The following IQCJ variants were observed in gnomAD, a reference collection of about 807,000 sequenced individuals.
IQCJ encodes the protein IQ domain-containing protein J.
Under a neutral mutation model 11.0 loss-of-function variants are expected in IQCJ, and 9 were observed. The observed-to-expected ratio is 0.82, with a 90% CI of 0.49 to 1.43. IQCJ has a LOEUF of 1.43. Among genes scored for constraint, IQCJ ranks in the 40% most tolerant of loss-of-function variants. The pLI is 0.00. For missense variants in IQCJ, 146 were observed against 133.2 expected (o/e 1.10, Z -0.47); for synonymous variants, 55 against 51.3 (o/e 1.07, Z -0.31).
chr3:159,221,319 A>C (rs1404171186), intron 1 of IQCJ, among the ~76,000 whole-genome samples: 3 of 152,180 alleles, frequency 2.0e-5, no homozygotes, highest in Non-Finnish European at 4.4e-5. Context: ...GGTGCCTGGC[A>C]TGAAGTAGCT....
chr3:159,143,934 G>C (rs913761221), intron 1 of IQCJ, among the ~76,000 whole-genome samples: 11 of 152,140 alleles, frequency 7.2e-5, no homozygotes, highest in African/African-American at 2.7e-4. Context: ...ATGGCATTTG[G>C]GATGCTGTAT....
chr3:159,201,709 A>G (rs1182083150), intron 1 of IQCJ, among the ~76,000 whole-genome samples: 1 of 130,786 alleles, frequency 7.6e-6, no homozygotes, highest in Non-Finnish European at 1.5e-5. Context: ...ATCTCGGCTC[A>G]CTGCAAGCTC....
At chr3:159,249,902 T>TATACACACACAC (rs1553794125) in intron 2 of IQCJ, among the ~76,000 whole-genome samples, 2 of 150,518 alleles carry the variant, frequency 1.3e-5, no homozygotes, top group Non-Finnish European at 3.0e-5. Context: ...TGCATTTGTG[T>TATACACACACAC]ACACACACAC....
intron 1 of IQCJ, among the ~76,000 whole-genome samples, chr3:159,235,008 CT>C (rs1726494674): frequency 6.6e-6 from 1 of 151,728 alleles, no homozygotes; most frequent in African/African-American, 2.4e-5. Flanking sequence ...TTTTTTTGTG[CT>C]TTGGTGCAAG....
At chr3:159,236,671 C>A (rs188321175) in intron 1 of IQCJ, among the ~76,000 whole-genome samples, 1 of 152,328 alleles carries the variant, frequency 6.6e-6, no homozygotes, top group East Asian at 1.9e-4. Flanking sequence ...GCATCAGAAT[C>A]ACTTAATGTG....
At position 159,216,609 on chromosome 3, in the gene IQCJ, T is replaced by G. The variant is rs142215221; in HGVS notation, c.10-29234T>G. On this transcript the variant is annotated intron_variant, in intron 1 of 3. Coordinates refer to ENST00000397832, the MANE Select transcript of IQCJ (RefSeq NM_001042706.3). ...AGATTTCCATTATGGTGCCCTTTGT[T>G]TCCTGCCCATTGCCTAATTTTCTGT... Among the ~76,000 whole-genome samples the G allele has an allele frequency of 1.7e-4, 26 of 152,320 alleles. 1 individual carries two copies. In the East Asian group the frequency reaches 5.0e-3, roughly 29 times the overall value.
chr3:159,138,099 A>G (rs1720400399), intron 1 of IQCJ, among the ~76,000 whole-genome samples: 1 of 152,246 alleles, frequency 6.6e-6, no homozygotes. Context: ...CACATAAAGG[A>G]ACAGAGGCTC....
chr3:159,245,381 A>G (rs541978735), intron 1 of IQCJ, among the ~76,000 whole-genome samples: 3 of 151,722 alleles, frequency 2.0e-5, no homozygotes, highest in African/African-American at 7.3e-5. Flanking sequence ...GAGTGACAAT[A>G]TTATATTCTA....
chr3:159,245,458 C>CTTTTTTT (rs34153369), intron 1 of IQCJ, among the ~76,000 whole-genome samples: 9 of 113,056 alleles, frequency 8.0e-5, no homozygotes, highest in Non-Finnish European at 1.1e-4. Context: ...GTCCTGAATT[C>CTTTTTTT]TTTTTTTTTT....
intron 3 of IQCJ, among the ~76,000 whole-genome samples, chr3:159,262,212 T>C (rs762531022): frequency 6.6e-6 from 1 of 152,206 alleles, no homozygotes; most frequent in African/African-American, 2.4e-5. Flanking sequence ...AGATGAAAAA[T>C]TGAAAGAATT....
At chr3:159,259,221 G>A (rs563436410) in intron 3 of IQCJ, among the ~76,000 whole-genome samples, 3 of 152,214 alleles carry the variant, frequency 2.0e-5, no homozygotes, top group African/African-American at 7.2e-5. Flanking sequence ...CAGGCAGATT[G>A]TGCCACCCCT....
intron 1 of IQCJ, among the ~76,000 whole-genome samples, chr3:159,152,241 A>G (rs1393395155): frequency 6.6e-6 from 1 of 152,174 alleles, no homozygotes; most frequent in Non-Finnish European, 1.5e-5. Flanking sequence ...TAACGTAATG[A>G]TGGCTGTGAA....
chr3:159,088,612 G>T (rs575448510), intron 1 of IQCJ, among the ~76,000 whole-genome samples: 2 of 152,268 alleles, frequency 1.3e-5, no homozygotes, highest in African/African-American at 2.4e-5. Flanking sequence ...CCTGTATTGG[G>T]TGCATATATA....
chr3:159,179,497 T>C (rs1372293463), intron 1 of IQCJ, among the ~76,000 whole-genome samples: 2 of 151,780 alleles, frequency 1.3e-5, no homozygotes, highest in African/African-American at 2.4e-5. Context: ...GTAGTTACCA[T>C]GATGCAGTTA....
chr3:159,206,257 C>T (rs1478958752), intron 1 of IQCJ, among the ~76,000 whole-genome samples: 1 of 152,188 alleles, frequency 6.6e-6, no homozygotes, highest in Non-Finnish European at 1.5e-5. Flanking sequence ...TTAAACTAAG[C>T]AATTTCTTCC....
rs1295854014 is a variant in IQCJ, at chr3:159,129,139, G to A, written c.9+59698G>A. Among the ~76,000 whole-genome samples, 3 of 152,108 alleles carry A rather than the reference G, an allele frequency of 2.0e-5. No homozygotes were observed. In the East Asian group the frequency reaches 5.8e-4, roughly 29 times the overall value. On this transcript the variant is annotated intron_variant, in intron 1 of 3. Coordinates refer to ENST00000397832, the MANE Select transcript of IQCJ (RefSeq NM_001042706.3). ...GAGGAGAAAACAATCACAAGTCTCT[G>A]ATGTATTAATAATTATTAGTATTTC...
chr3:159,198,407 C>T (rs1724119641), intron 1 of IQCJ, among the ~76,000 whole-genome samples: 1 of 152,002 alleles, frequency 6.6e-6, no homozygotes, highest in African/African-American at 2.4e-5. Context: ...CCTGAGGGAG[C>T]ATTTACTTCC....
At chr3:159,090,466 G>A (rs1388670071) in intron 1 of IQCJ, among the ~76,000 whole-genome samples, 1 of 151,876 alleles carries the variant, frequency 6.6e-6, no homozygotes, top group African/African-American at 2.4e-5. Flanking sequence ...ATTGTTGGAT[G>A]CTGGGTCAGT....
At chr3:159,110,270 A>G (rs1199644799) in intron 1 of IQCJ, among the ~76,000 whole-genome samples, 1 of 152,200 alleles carries the variant, frequency 6.6e-6, no homozygotes, top group African/African-American at 2.4e-5. Context: ...TGAAGATTGA[A>G]TGAAACAGTC....
Sources: allele counts gnomAD v4.1 joint callset (sites outside exome capture counted in the v4.1 genomes callset), GRCh38; gene constraint gnomAD v4.1.1; transcripts MANE v1.5; gene names NCBI Gene and HGNC (gene_info 2026-07-23, HGNC 2026-07-21).